The following STAG1 variants were observed in gnomAD, a reference collection of about 807,000 sequenced individuals.
STAG1 encodes cohesin subunit SA-1.
STAG1 carries 26 observed loss-of-function variants against 170.9 expected under a neutral mutation model. The observed-to-expected ratio is 0.15, with a 90% CI of 0.11 to 0.21. The LOEUF (loss-of-function observed/expected upper bound fraction) is 0.21, where lower values mean the gene tolerates loss of function less well. Ranked by LOEUF, STAG1 falls within the 10% of genes least tolerant of loss-of-function variation. The probability of loss-of-function intolerance (pLI) is 1.00; values close to 1 mark genes in which losing one functional copy is unlikely to be tolerated. For missense variants in STAG1, 964 were observed against 1,509.5 expected, an observed-to-expected ratio of 0.64 and a Z score of 5.99; for synonymous variants, 514 against 497.7, an observed-to-expected ratio of 1.03 and a Z score of -0.44.
intron 1 of STAG1, among the ~76,000 whole-genome samples, chr3:136,684,328 A>G (rs1397663450): frequency 1.3e-5 from 2 of 152,246 alleles, no homozygotes; most frequent in African/African-American, 4.8e-5. Flanking sequence ...GCAAAACAAT[A>G]CGACAAATAG....
chr3:136,740,063 A>G (rs984497456), intron 1 of STAG1, among the ~76,000 whole-genome samples: 1 of 152,088 alleles, frequency 6.6e-6, no homozygotes, highest in Non-Finnish European at 1.5e-5. Context: ...TATCAATTAT[A>G]CAGTACATTA....
chr3:136,530,652 A>G (rs1345207920), intron 6 of STAG1, among the ~76,000 whole-genome samples: 1 of 152,202 alleles, frequency 6.6e-6, no homozygotes, highest in Non-Finnish European at 1.5e-5. Context: ...ATTAAAAAAC[A>G]CACTCTTGAA....
chr3:136,678,712 T>C (rs956247194), intron 1 of STAG1, among the ~76,000 whole-genome samples: 5 of 151,574 alleles, frequency 3.3e-5, no homozygotes, highest in Admixed American at 3.3e-4. Context: ...TTGAAAAAGA[T>C]AAACAACTCA....
chr3:136,527,685 T>C (rs1935116380), intron 6 of STAG1, among the ~76,000 whole-genome samples: 1 of 152,216 alleles, frequency 6.6e-6, no homozygotes, highest in Non-Finnish European at 1.5e-5. Context: ...TTTCAGCTTT[T>C]CTGCTCTGTT....
chr3:136,527,289 T>C (rs985901955), intron 6 of STAG1, among the ~76,000 whole-genome samples: 5 of 152,230 alleles, frequency 3.3e-5, no homozygotes, highest in Non-Finnish European at 7.3e-5. Context: ...GCTTTGTTTG[T>C]TTCTTTTTAC....
chr3:136,680,550 G>A (rs1022184861), intron 1 of STAG1, among the ~76,000 whole-genome samples: 12 of 152,034 alleles, frequency 7.9e-5, no homozygotes, highest in Middle Eastern at 3.4e-3. Flanking sequence ...GGGATACAAC[G>A]GGAAGGAAAG....
intron 7 of STAG1, among the ~76,000 whole-genome samples, chr3:136,515,416 G>T (rs959415374): frequency 3.3e-5 from 5 of 152,108 alleles, no homozygotes; most frequent in Admixed American, 6.6e-5. Flanking sequence ...ACTTATGTAT[G>T]TTACATATTT....
At chr3:136,686,853 C>G (rs1433502245) in intron 1 of STAG1, among the ~76,000 whole-genome samples, 7 of 152,124 alleles carry the variant, frequency 4.6e-5, no homozygotes, top group Admixed American at 3.9e-4. Context: ...TAATTCAGAG[C>G]AATCCTAATT....
At chr3:136,507,442 C>T (rs900413677) in intron 7 of STAG1, among the ~76,000 whole-genome samples, 2 of 152,116 alleles carry the variant, frequency 1.3e-5, no homozygotes, top group African/African-American at 4.8e-5. Context: ...CAGCTCCCTG[C>T]AGCCTCGACC....
At chr3:136,724,078 G>A (rs10067643) in intron 1 of STAG1, among the ~76,000 whole-genome samples, 3 of 151,732 alleles carry the variant, frequency 2.0e-5, no homozygotes, top group Admixed American at 6.6e-5. Flanking sequence ...CCCTCTGCCC[G>A]GCCACCACCC....
At chr3:136,542,232 A>G (rs1386851511) in intron 5 of STAG1, 37 bp from the exon 6 acceptor site, 1 of 1,462,092 alleles carries the variant, frequency 6.8e-7, no homozygotes, top group Admixed American at 1.7e-5. Context: ...TCTTTCAATT[A>G]ATCTTTCAGA....
At chr3:136,478,654 C>A (rs78682139) in intron 9 of STAG1, among the ~76,000 whole-genome samples, 3 of 152,042 alleles carry the variant, frequency 2.0e-5, no homozygotes, top group African/African-American at 7.2e-5. Context: ...TGACAAAATT[C>A]CTTGCTCTAA....
chr3:136,536,473 A>G (rs1337804988), intron 6 of STAG1, among the ~76,000 whole-genome samples: 1 of 152,000 alleles, frequency 6.6e-6, no homozygotes, highest in East Asian at 1.9e-4. Flanking sequence ...GGCCAGGCAC[A>G]GTGGCTCACC....
Position 136,597,055 on chromosome 3 carries a change from G to A in STAG1, c.297+7254C>T, listed in dbSNP as rs138189483. On this transcript the variant is annotated intron_variant, in intron 4 of 33. Coordinates refer to ENST00000383202, the MANE Select transcript of STAG1 (RefSeq NM_005862.3). ...ATGTCACTGGCACCCCAATCTGCGC[G>A]ACAGAGCGAGACTGTATCTTAAAAA... 7.2e-5 allele frequency among the ~76,000 whole-genome samples: 11 copies of A among 152,236 alleles called. No individual in the cohort carries two copies. The South Asian group carries it at 8.3e-4, about 11-fold the overall frequency.
intron 4 of STAG1, among the ~76,000 whole-genome samples, chr3:136,593,106 G>C (rs1245654942): frequency 1.3e-5 from 2 of 152,090 alleles, no homozygotes; most frequent in Admixed American, 6.6e-5. Context: ...CCATAGCTGG[G>C]GTTGGGAAGG....
chr3:136,459,761 A>G (rs2089223397), intron 13 of STAG1, among the ~76,000 whole-genome samples: 1 of 152,256 alleles, frequency 6.6e-6, no homozygotes, highest in Non-Finnish European at 1.5e-5. Context: ...CTCCTGAACA[A>G]CAAATGGTTC....
At chr3:136,751,808 C>T (rs972555516) in intron 1 of STAG1, among the ~76,000 whole-genome samples, 4 of 148,160 alleles carry the variant, frequency 2.7e-5, no homozygotes, top group Non-Finnish European at 6.0e-5. Context: ...AGAGCCCGGG[C>T]GGGGGGGGGC....
At chr3:136,352,438 G>C (rs1936468860) in intron 28 of STAG1, among the ~76,000 whole-genome samples, 1 of 152,174 alleles carries the variant, frequency 6.6e-6, no homozygotes, top group South Asian at 2.1e-4. Flanking sequence ...GGGATTATAG[G>C]TGTGAGCCAC....
intron 1 of STAG1, among the ~76,000 whole-genome samples, chr3:136,722,093 C>T (rs1933312088): frequency 6.6e-6 from 1 of 151,716 alleles, no homozygotes; most frequent in Admixed American, 6.6e-5. Flanking sequence ...CATGGTGGTG[C>T]ACACCTGTGG....
Sources: gnomAD v4.1 joint callset for allele counts (sites outside exome capture counted in the v4.1 genomes callset) on GRCh38, gnomAD v4.1.1 for gene constraint, MANE v1.5 for transcripts, NCBI Gene and HGNC (gene_info 2026-07-23, HGNC 2026-07-21) for gene names.